ANO6: variants seen among roughly 807,000 people sequenced by gnomAD.
The protein encoded by ANO6 is anoctamin-6.
A neutral mutation model predicts 117.5 loss-of-function variants in ANO6; 106 were observed. That is an observed-to-expected ratio of 0.90 (90% CI 0.77 to 1.06). The LOEUF (loss-of-function observed/expected upper bound fraction) is 1.06. ANO6 is among the 50% of genes least tolerant of loss of function. ANO6 has a pLI of 0.00. For synonymous variants in ANO6, 367 were observed against 385.1 expected (o/e 0.95, Z 0.55); for missense variants, 955 against 1,121.1 (o/e 0.85, Z 2.12).
intron 12 of ANO6, among the ~76,000 whole-genome samples, chr12:45,398,516 C>T (rs1326245457): frequency 6.6e-6 from 1 of 152,126 alleles, no homozygotes; most frequent in Non-Finnish European, 1.5e-5. Context: ...ACTAATTTAG[C>T]TCTTAGGACT....
At chr12:45,428,338 C>T (rs895760611) in intron 19 of ANO6, among the ~76,000 whole-genome samples, 4 of 152,108 alleles carry the variant, frequency 2.6e-5, no homozygotes, top group East Asian at 1.9e-4. Context: ...GGTGGCCTGG[C>T]GTGGTGGCTC....
intron 2 of ANO6, among the ~76,000 whole-genome samples, chr12:45,317,113 G>GTGTGTGTATGTATATATATATA: frequency 3.0e-5 from 2 of 66,448 alleles, no homozygotes; most frequent in Non-Finnish European, 7.4e-5. Context: ...CTTTTTATAT[G>GTGTGTGTATGTATATATATATA]TATATATATA....
chr12:45,431,344 G>C lies in ANO6; in HGVS notation c.*2033G>C, dbSNP rs1943628335. ...CTCTCTAGTACCTCTTCTCTTCTCT[G>C]AAGTGTGTGACTATCTCCTAGTGTT... On this transcript the variant is annotated 3_prime_UTR_variant, in exon 20 of 20. Transcript: ENST00000320560. 1 of 985,262 alleles carries C rather than the reference G, an allele frequency of 1.0e-6. No homozygotes were observed. The highest frequency in any genetic ancestry group is 1.2e-6 in the Non-Finnish European group (1 of 829,916). 61.0% of individuals were successfully genotyped at this position (985,262 alleles called of 1,614,324 possible).
chr12:45,278,307 C>T (rs573020301), intron 1 of ANO6, among the ~76,000 whole-genome samples: 65 of 152,214 alleles, frequency 4.3e-4, no homozygotes, highest in Non-Finnish European at 6.5e-4. Context: ...TGTTTTCAGT[C>T]GTGGGAGAAA....
At chr12:45,369,086 G>GCA (rs1941758370) in intron 9 of ANO6, among the ~76,000 whole-genome samples, 1 of 152,160 alleles carries the variant, frequency 6.6e-6, no homozygotes, top group Non-Finnish European at 1.5e-5. Context: ...TTGAGAAATT[G>GCA]TTTCACTACT....
chr12:45,365,537 G>A (rs188667807), intron 8 of ANO6, among the ~76,000 whole-genome samples: 39 of 152,314 alleles, frequency 2.6e-4, no homozygotes, highest in Admixed American at 2.5e-3. Context: ...GGCAAATCCT[G>A]CGCATGGAGC....
chr12:45,376,860 GA>G (rs912016932), intron 9 of ANO6, among the ~76,000 whole-genome samples: 48 of 131,818 alleles, frequency 3.6e-4, no homozygotes, highest in Middle Eastern at 7.0e-3. Context: ...AATAATAAAA[GA>G]AAAAAAAAGA....
chr12:45,357,960 T>C (rs2137476916), intron 8 of ANO6, among the ~76,000 whole-genome samples: 1 of 152,376 alleles, frequency 6.6e-6, no homozygotes, highest in Admixed American at 6.5e-5. Flanking sequence ...AGTGAAAAAT[T>C]AGTTTGTACT....
At chr12:45,332,299 C>T (rs943472735) in intron 3 of ANO6, among the ~76,000 whole-genome samples, 1 of 107,654 alleles carries the variant, frequency 9.3e-6, no homozygotes, top group Non-Finnish European at 1.9e-5. Flanking sequence ...TCTGTTCTCT[C>T]TCTCTCTCTC....
intron 7 of ANO6, among the ~76,000 whole-genome samples, chr12:45,351,350 A>G (rs1230083162): frequency 6.6e-6 from 1 of 152,168 alleles, no homozygotes; most frequent in Non-Finnish European, 1.5e-5. Context: ...ATTTCGTTGT[A>G]TCTCACAAGA....
At chr12:45,297,699 T>G (rs1939340480) in intron 1 of ANO6, among the ~76,000 whole-genome samples, 1 of 152,212 alleles carries the variant, frequency 6.6e-6, no homozygotes, top group Non-Finnish European at 1.5e-5. Flanking sequence ...TTCACTATAC[T>G]AATTGCATTG....
At chr12:45,407,230 G>A (rs73281572) in intron 15 of ANO6, among the ~76,000 whole-genome samples, 2,041 of 152,122 alleles carry the variant, frequency 0.013, 40 homozygotes, top group African/African-American at 0.047. Flanking sequence ...GATATGAGAC[G>A]GAAGCGCCAG....
chr12:45,410,066 C>T (rs565070294), intron 16 of ANO6, among the ~76,000 whole-genome samples: 142 of 152,152 alleles, frequency 9.3e-4, no homozygotes, highest in Non-Finnish European at 1.6e-3. Flanking sequence ...ATCTTTACCA[C>T]GAATTCTTAA....
At position 45,285,694 on chromosome 12, in the gene ANO6, A is replaced by G. The variant is rs1938888917; in HGVS notation, c.71-16320A>G. ...CAGTGAGCCGAGATCGCGCCACTGC[A>G]CTCCAGCCTAGCAACAGAACAAGAC... is the stretch of plus-strand genomic sequence containing the variant. On this transcript the variant is annotated intron_variant, in intron 1 of 19. Transcript: ENST00000320560. 2.0e-5 allele frequency among the ~76,000 whole-genome samples: 3 copies of G among 150,898 alleles called. No homozygotes were observed. The South Asian group carries it at 6.3e-4, about 32-fold the overall frequency.
chr12:45,235,045 C>T (rs1947625825), intron 1 of ANO6, among the ~76,000 whole-genome samples: 1 of 152,124 alleles, frequency 6.6e-6, no homozygotes, highest in Non-Finnish European at 1.5e-5. Context: ...GTTGTTCAAA[C>T]TCCTATCTCA....
chr12:45,394,395 C>A (rs11536237), intron 12 of ANO6, among the ~76,000 whole-genome samples: 22,608 of 152,004 alleles, frequency 0.15, 2,310 homozygotes, highest in East Asian at 0.46. Context: ...ACACAATAAT[C>A]ATGGGAGACT....
chr12:45,439,977 T>G (rs1289329256), exon 20 of ANO6: 1 of 1,448,958 alleles, frequency 6.9e-7, no homozygotes, highest in Non-Finnish European at 9.1e-7. Flanking sequence ...TTTGTGTGTC[T>G]ATTATGTGGC....
At chr12:45,400,389 T>C (rs1160377056) in intron 12 of ANO6, among the ~76,000 whole-genome samples, 1 of 152,232 alleles carries the variant, frequency 6.6e-6, no homozygotes, top group Non-Finnish European at 1.5e-5. Flanking sequence ...AATTTTTACA[T>C]ATACACACAA....
At chr12:45,407,313 G>A (rs1942960407) in intron 15 of ANO6, among the ~76,000 whole-genome samples, 1 of 152,158 alleles carries the variant, frequency 6.6e-6, no homozygotes, top group South Asian at 2.1e-4. Context: ...AGCCCAGACA[G>A]AAAAAGACCT....
Sources: allele counts gnomAD v4.1 joint callset (sites outside exome capture counted in the v4.1 genomes callset), GRCh38; gene constraint gnomAD v4.1.1; transcripts MANE v1.5; gene names NCBI Gene and HGNC (gene_info 2026-07-23, HGNC 2026-07-21).